Variants in VWA8 observed in about 807,000 individuals in gnomAD.
VWA8 encodes von Willebrand factor A domain containing 8, also known as von Willebrand factor A domain-containing protein 8.
A neutral mutation model predicts 241.5 loss-of-function variants in VWA8; 221 were observed. The ratio of observed to expected loss-of-function variants is 0.91; its 90% confidence interval spans 0.82 to 1.02. VWA8 has a LOEUF of 1.02. Ranked by LOEUF, VWA8 falls within the 50% of genes least tolerant of loss-of-function variation. The pLI is 0.00. For synonymous variants in VWA8, 852 were observed against 827.1 expected (o/e 1.03, Z -0.52); for missense variants, 2,322 against 2,328.7 (o/e 1.00, Z 0.06).
intron 24 of VWA8, among the ~76,000 whole-genome samples, chr13:41,724,838 A>G (rs2045419875): frequency 6.6e-6 from 1 of 152,190 alleles, no homozygotes; most frequent in South Asian, 2.1e-4. Context: ...TTTTAAAACA[A>G]AAAGAAATTC....
chr13:41,732,210 T>G, intron 21 of VWA8, 55 bp from the exon 22 acceptor site: 3 of 1,534,612 alleles, frequency 2.0e-6, no homozygotes, highest in Non-Finnish European at 2.7e-6. Flanking sequence ...TGATGATTGA[T>G]CATGATAAAA....
intron 42 of VWA8, among the ~76,000 whole-genome samples, chr13:41,580,500 T>C (rs2044375860): frequency 6.6e-6 from 1 of 152,154 alleles, no homozygotes; most frequent in Non-Finnish European, 1.5e-5. Flanking sequence ...GTCATATGTT[T>C]CCACTTTCTC....
chr13:41,616,531 C>T (rs1041007789), intron 37 of VWA8, among the ~76,000 whole-genome samples: 2 of 151,998 alleles, frequency 1.3e-5, no homozygotes, highest in Middle Eastern at 3.4e-3. Context: ...TTCCCAAAAA[C>T]TTGCCACCAT....
At position 41,587,573 on chromosome 13, in the gene VWA8, C is replaced by T. The variant is rs773532229; in HGVS notation, c.5210G>A (p.Arg1737His). Residue 1737 changes from arginine to histidine, a missense_variant, in exon 42 of 45, where the codon CGC becomes CAC. Arg to His is a conservative substitution (Grantham distance 29). Coordinates refer to ENST00000379310, the MANE Select transcript of VWA8 (RefSeq NM_015058.2). ...RFNRMDGRLE[R>H]TMEAVCMVME... ...GACCATACACACAGCCTCCATTGTG[C>T]GCTCAAGCCGGCCATCCATCCTGTT... is the stretch of plus-strand genomic sequence containing the variant. The T allele has an allele frequency of 2.4e-5, 38 of 1,614,064 alleles. No individual in the cohort carries two copies. The highest frequency in any genetic ancestry group is 3.3e-5 in the South Asian group (3 of 91,082).
intron 20 of VWA8, among the ~76,000 whole-genome samples, chr13:41,768,537 T>C (rs1472100955): frequency 1.3e-5 from 2 of 152,242 alleles, no homozygotes; most frequent in Non-Finnish European, 2.9e-5. Flanking sequence ...AACATATGTT[T>C]ATTGATTTTC....
chr13:41,696,242 G>T (rs1386046764), intron 29 of VWA8: 1 of 152,118 alleles, frequency 6.6e-6, no homozygotes, highest in Non-Finnish European at 1.5e-5. Flanking sequence ...AAATAAAAAA[G>T]TGAAAACAAA....
chr13:41,649,332 A>G (rs1003774689), intron 37 of VWA8, among the ~76,000 whole-genome samples: 2 of 152,216 alleles, frequency 1.3e-5, no homozygotes, highest in Non-Finnish European at 1.5e-5. Flanking sequence ...TTCCTACTTT[A>G]AAGTTTTACT....
At chr13:41,763,313 ATAGATAG>A (rs1566446866) in intron 20 of VWA8, among the ~76,000 whole-genome samples, 3,432 of 120,436 alleles carry the variant, frequency 0.028, 60 homozygotes, top group African/African-American at 0.037. Context: ...AAATAAATAG[ATAGATAG>A]ATAGATAGAT....
At chr13:41,763,835 C>A (rs1484454146) in intron 20 of VWA8, among the ~76,000 whole-genome samples, 1 of 152,112 alleles carries the variant, frequency 6.6e-6, no homozygotes, top group Non-Finnish European at 1.5e-5. Context: ...ATTTAAATTC[C>A]TCCTGAGCAA....
chr13:41,656,393 C>T (rs760896334), intron 37 of VWA8, among the ~76,000 whole-genome samples: 4 of 151,986 alleles, frequency 2.6e-5, no homozygotes, highest in African/African-American at 4.8e-5. Flanking sequence ...ACAAACATCC[C>T]GAAGAAAAAA....
intron 2 of VWA8, among the ~76,000 whole-genome samples, chr13:41,918,221 TA>T (rs1158259776): frequency 6.6e-6 from 1 of 152,232 alleles, no homozygotes; most frequent in Non-Finnish European, 1.5e-5. Flanking sequence ...TCAGCTTACG[TA>T]GCTTATATAA....
At chr13:41,582,114 C>T (rs924494286) in intron 42 of VWA8, among the ~76,000 whole-genome samples, 2 of 152,086 alleles carry the variant, frequency 1.3e-5, no homozygotes, top group African/African-American at 2.4e-5. Flanking sequence ...ATGCTATTCC[C>T]GGGAATAGCT....
At chr13:41,690,060 G>A in intron 33 of VWA8, 106 bp downstream of exon 33, 1 of 953,338 alleles carries the variant, frequency 1.0e-6, no homozygotes, top group Non-Finnish European at 1.5e-6. Context: ...TTCTTTTGGT[G>A]TAAACTTAAC....
chr13:41,761,541 A>G (rs1481315071), intron 20 of VWA8, among the ~76,000 whole-genome samples: 1 of 152,088 alleles, frequency 6.6e-6, no homozygotes, highest in Non-Finnish European at 1.5e-5. Context: ...TTCAGATTTG[A>G]AGAATGTCAT....
chr13:41,938,239 TAAAAG>T (rs1248982922), intron 2 of VWA8, among the ~76,000 whole-genome samples: 1 of 151,380 alleles, frequency 6.6e-6, no homozygotes, highest in Non-Finnish European at 1.5e-5. Flanking sequence ...AAAAAGAAGA[TAAAAG>T]AAAAAGTAGG....
chr13:41,712,177 T>C (rs1029687743), intron 26 of VWA8, among the ~76,000 whole-genome samples: 2 of 152,154 alleles, frequency 1.3e-5, no homozygotes, highest in Admixed American at 6.5e-5. Context: ...GTTCTAATGA[T>C]TGATAGCAGA....
At chr13:41,630,319 A>C (rs1470610471) in intron 37 of VWA8, among the ~76,000 whole-genome samples, 1 of 150,916 alleles carries the variant, frequency 6.6e-6, no homozygotes, top group Non-Finnish European at 1.5e-5. Flanking sequence ...CCTTTTGCCA[A>C]CCTCCCTATA....
intron 42 of VWA8, among the ~76,000 whole-genome samples, chr13:41,579,217 T>C (rs574597901): frequency 1.8e-4 from 28 of 152,318 alleles, no homozygotes; most frequent in South Asian, 1.2e-3. Flanking sequence ...CTACTAGGTG[T>C]AAAATTCTCA....
intron 12 of VWA8, among the ~76,000 whole-genome samples, chr13:41,857,759 G>A (rs1180012598): frequency 6.6e-6 from 1 of 152,118 alleles, no homozygotes; most frequent in East Asian, 1.9e-4. Flanking sequence ...CACTGTGATG[G>A]TTAATTTTAT....
Sources: allele counts gnomAD v4.1 joint callset (sites outside exome capture counted in the v4.1 genomes callset), GRCh38; gene constraint gnomAD v4.1.1; transcripts MANE v1.5; gene names NCBI Gene and HGNC (gene_info 2026-07-23, HGNC 2026-07-21).